Variants in SLC35A3 observed in about 807,000 individuals in gnomAD.
The protein encoded by SLC35A3 is UDP-N-acetylglucosamine transporter.
Under a neutral mutation model 39.0 loss-of-function variants are expected in SLC35A3, and 26 were observed. That is an observed-to-expected ratio of 0.67 (90% confidence interval 0.49 to 0.92). The LOEUF is 0.92. SLC35A3 is among the 40% of genes least tolerant of loss of function. The probability of loss-of-function intolerance (pLI) is 0.00; values close to 1 mark genes in which losing one functional copy is unlikely to be tolerated. For missense variants in SLC35A3, 299 were observed against 371.6 expected (o/e 0.80, Z 1.61); for synonymous variants, 135 against 133.1 (o/e 1.01, Z -0.10).
chr1:99,975,064 T>C (rs1000023518), intron 1 of SLC35A3: 5 of 152,006 alleles, frequency 3.3e-5, no homozygotes, highest in Admixed American at 3.3e-4. Context: ...CACCTTAGCC[T>C]CCCAAGTAGG....
At chr1:99,996,920 G>GAAA (rs1570592909) in intron 2 of SLC35A3, among the ~76,000 whole-genome samples, 1 of 151,848 alleles carries the variant, frequency 6.6e-6, no homozygotes, top group African/African-American at 2.4e-5. Flanking sequence ...TATATTGAGA[G>GAAA]AAAAAATTGT....
chr1:99,991,212 C>T (rs1007954519), intron 1 of SLC35A3, among the ~76,000 whole-genome samples: 2 of 152,206 alleles, frequency 1.3e-5, no homozygotes, highest in African/African-American at 2.4e-5. Context: ...GTGGCGCAAT[C>T]TCAGCTCACT....
chr1:99,995,953 G>A (rs1275846864), intron 2 of SLC35A3, among the ~76,000 whole-genome samples: 1 of 152,220 alleles, frequency 6.6e-6, no homozygotes, highest in Non-Finnish European at 1.5e-5. Flanking sequence ...GTATAGATGA[G>A]CAGAAGTATT....
At chr1:100,020,362 G>C (rs888153228) in intron 7 of SLC35A3, among the ~76,000 whole-genome samples, 1 of 152,152 alleles carries the variant, frequency 6.6e-6, no homozygotes. Context: ...GAATCTTTCA[G>C]TTGAGCATGA....
chr1:100,002,896 G>A (rs1334707136), intron 3 of SLC35A3, among the ~76,000 whole-genome samples: 1 of 151,472 alleles, frequency 6.6e-6, no homozygotes, highest in Non-Finnish European at 1.5e-5. Flanking sequence ...TTATAGCTAT[G>A]AGCCACCATG....
chr1:100,007,980 G>C (rs1206200348), intron 4 of SLC35A3: 8 of 143,716 alleles, frequency 5.6e-5, no homozygotes, highest in Admixed American at 5.6e-4. Flanking sequence ...TTGAGATGGA[G>C]TCTTGCTCTG....
At chr1:99,989,088 T>A (rs1276883829) in intron 1 of SLC35A3, among the ~76,000 whole-genome samples, 3 of 152,176 alleles carry the variant, frequency 2.0e-5, no homozygotes, top group African/African-American at 7.2e-5. Context: ...TTTTACATTT[T>A]CACTAGCAAT....
rs928955857 is a variant in SLC35A3 at position 100,024,936 on chromosome 1, C to T, written c.*2460C>T. ...GGTACCCTTGCCTAACGTGAACTGG[C>T]AGTGTTACCTTGCTTTTGCAGTAAT... On this transcript the variant is annotated 3_prime_UTR_variant, in exon 8 of 8. Transcript: ENST00000533028. 1 of 333,438 alleles carries T rather than the reference C, an allele frequency of 3.0e-6. No individual in the cohort carries two copies. Among genetic ancestry groups the T allele is most frequent in the Non-Finnish European group, 5.4e-6 (1 of 186,064 alleles). 20.7% of individuals were successfully genotyped at this position (333,438 alleles called of 1,614,324 possible).
intron 3 of SLC35A3, 122 bp downstream of exon 3, chr1:99,999,537 A>G: frequency 1.8e-6 from 1 of 559,402 alleles, no homozygotes; most frequent in Non-Finnish European, 3.0e-6. Flanking sequence ...TGATCAAATC[A>G]GGGTATTTAG....
At chr1:99,978,384 A>G (rs1198392203) in intron 1 of SLC35A3, among the ~76,000 whole-genome samples, 3 of 152,140 alleles carry the variant, frequency 2.0e-5, no homozygotes, top group African/African-American at 4.8e-5. Flanking sequence ...AAATTTAGCT[A>G]GGTGTGGTGG....
At chr1:100,005,431 G>A (rs746661114) in intron 3 of SLC35A3, among the ~76,000 whole-genome samples, 1 of 152,184 alleles carries the variant, frequency 6.6e-6, no homozygotes, top group African/African-American at 2.4e-5. Context: ...CATCCTTTGT[G>A]TGACATACTA....
chr1:100,017,568 C>A, intron 6 of SLC35A3, 114 bp from the exon 7 acceptor site: 2 of 624,276 alleles, frequency 3.2e-6, no homozygotes, highest in Non-Finnish European at 2.6e-6. Context: ...AAATCCCTTA[C>A]TATAATGGGA....
At chr1:99,973,201 T>A (rs903596804) in intron 1 of SLC35A3, among the ~76,000 whole-genome samples, 1 of 152,188 alleles carries the variant, frequency 6.6e-6, no homozygotes, top group Non-Finnish European at 1.5e-5. Context: ...GATTTGTCTG[T>A]GTGTGTGCAT....
intron 1 of SLC35A3, among the ~76,000 whole-genome samples, chr1:99,975,492 G>A (rs1657058549): frequency 6.6e-6 from 1 of 152,170 alleles, no homozygotes; most frequent in Non-Finnish European, 1.5e-5. Context: ...GCATGAGAGT[G>A]TAGTAGAGTG....
chr1:100,022,161 A>G (rs1660591118), intron 7 of SLC35A3, among the ~76,000 whole-genome samples: 2 of 152,196 alleles, frequency 1.3e-5, no homozygotes, highest in Admixed American at 1.3e-4. Flanking sequence ...GTAAAAAATG[A>G]ATACTAATAC....
Position 100,027,292 on chromosome 1 carries a change from TTAAAAA to T in SLC35A3, c.*4822_*4827del, listed in dbSNP as rs1660963679. 3 of 396,946 alleles carry T rather than the reference TTAAAAA, an allele frequency of 7.6e-6. No individual in the cohort carries two copies. The highest frequency in any genetic ancestry group is 4.1e-5 in the African/African-American group (2 of 48,558). 24.6% of individuals were successfully genotyped at this position (396,946 alleles called of 1,614,324 possible). ...CATAGCCTTGTTTCTACAAAAAATC[TTAAAAA>T]TAAAATTAGCCAATATGTGGGCATG... On this transcript the variant is annotated 3_prime_UTR_variant, in exon 8 of 8. Transcript: ENST00000533028.
At chr1:99,992,091 T>G (rs1320705056) in intron 1 of SLC35A3, among the ~76,000 whole-genome samples, 1 of 152,172 alleles carries the variant, frequency 6.6e-6, no homozygotes, top group African/African-American at 2.4e-5. Flanking sequence ...TGGTTGATAG[T>G]GTTCAGATTT....
chr1:99,971,511 G>C (rs1003770717), intron 1 of SLC35A3, among the ~76,000 whole-genome samples: 11 of 152,068 alleles, frequency 7.2e-5, no homozygotes, highest in Admixed American at 2.6e-4. Context: ...GTTTCACCAT[G>C]TTAGCCAGGA....
intron 3 of SLC35A3, among the ~76,000 whole-genome samples, chr1:100,002,085 T>C (rs1658856505): frequency 6.6e-6 from 1 of 152,216 alleles, no homozygotes; most frequent in South Asian, 2.1e-4. Flanking sequence ...TCTTTTTTGC[T>C]GTGTGCTTGT....
Sources: allele counts gnomAD v4.1 joint callset (sites outside exome capture counted in the v4.1 genomes callset), GRCh38; gene constraint gnomAD v4.1.1; transcripts MANE v1.5; gene names NCBI Gene and HGNC (gene_info 2026-07-23, HGNC 2026-07-21).